Variants in CFAP44 observed in about 807,000 individuals in gnomAD.
CFAP44 encodes cilia- and flagella-associated protein 44.
Under a neutral mutation model 216.2 loss-of-function variants are expected in CFAP44, and 134 were observed. The ratio of observed to expected loss-of-function variants is 0.62; its 90% CI spans 0.54 to 0.72. CFAP44 has a LOEUF of 0.72. Ranked by LOEUF, CFAP44 falls within the 30% of genes least tolerant of loss-of-function variation. CFAP44 has a pLI of 0.00. For missense variants in CFAP44, 2,035 were observed against 2,182.1 expected (o/e 0.93, Z 1.34); for synonymous variants, 700 against 727.6 (o/e 0.96, Z 0.61).
intron 26 of CFAP44, among the ~76,000 whole-genome samples, 181 bp downstream of exon 26, chr3:113,329,987 C>T (rs1950226733): frequency 6.6e-6 from 1 of 152,054 alleles, no homozygotes; most frequent in South Asian, 2.1e-4. Context: ...GGGAAGAGCA[C>T]AGTGATTTCC....
At chr3:113,325,023 G>T (rs1950176834) in intron 28 of CFAP44, among the ~76,000 whole-genome samples, 1 of 152,048 alleles carries the variant, frequency 6.6e-6, no homozygotes, top group Admixed American at 6.6e-5. Context: ...TAAAAAAGGG[G>T]CCGGGCACAG....
chr3:113,346,536 G>T (rs991822157), intron 22 of CFAP44, among the ~76,000 whole-genome samples: 5 of 151,124 alleles, frequency 3.3e-5, no homozygotes, highest in African/African-American at 1.2e-4. Flanking sequence ...GATTTTAAGT[G>T]CACCAATCAG....
chr3:113,355,377 C>T (rs1003009458), intron 22 of CFAP44, among the ~76,000 whole-genome samples: 6 of 151,992 alleles, frequency 3.9e-5, no homozygotes, highest in Non-Finnish European at 7.4e-5. Context: ...AAAAATTCGC[C>T]GGGCATGGTG....
At position 113,395,732 on chromosome 3, in the gene CFAP44, C is replaced by G. The variant is rs1488125400; in HGVS notation, c.1890+18G>C. The G allele has an allele frequency of 6.4e-7, 1 of 1,573,112 alleles. No individual in the cohort carries two copies. Among genetic ancestry groups the G allele is most frequent in the Admixed American group, 1.8e-5 (1 of 54,520 alleles). ...AGTAATTGAGATTCAAACAGGAAGA[C>G]AAATAATAATGACTTACATGAGACA... On this transcript the variant is annotated intron_variant, in intron 15 of 34. Coordinates refer to ENST00000393845, the MANE Select transcript of CFAP44 (RefSeq NM_001164496.2).
At chr3:113,365,153 C>A (rs560659177) in intron 19 of CFAP44, among the ~76,000 whole-genome samples, 1 of 152,198 alleles carries the variant, frequency 6.6e-6, no homozygotes, top group Admixed American at 6.5e-5. Context: ...AGAGGGTTGG[C>A]ACCAGGTAGA....
rs545227272 is a variant in CFAP44 at position 113,409,408 on chromosome 3, G to T, written c.674-86C>A. On this transcript the variant is annotated intron_variant, in intron 6 of 34. Coordinates refer to ENST00000393845, the MANE Select transcript of CFAP44 (RefSeq NM_001164496.2). ...ATTGTAAAAAAAAGAGAGGGAGTCAGCCCATGGTGATGTAAGAATGCCAAG... is the reference window on the plus strand; with the variant it reads ...ATTGTAAAAAAAAGAGAGGGAGTCATCCCATGGTGATGTAAGAATGCCAAG... 4.3e-5 allele frequency: 53 copies of T among 1,226,570 alleles called. 1 individual carries two copies. In the South Asian group the frequency reaches 6.9e-4, roughly 16 times the overall value. 76.0% of individuals were successfully genotyped at this position (1,226,570 alleles called of 1,614,324 possible).
intron 9 of CFAP44, among the ~76,000 whole-genome samples, chr3:113,402,308 C>A (rs149400517): frequency 1.3e-5 from 2 of 152,320 alleles, no homozygotes; most frequent in East Asian, 3.9e-4. Context: ...TGCATACCAC[C>A]AAACATGTCT....
chr3:113,441,300 T>A (rs74410195), intron 1 of CFAP44, among the ~76,000 whole-genome samples, 153 bp downstream of exon 1: 9,417 of 152,294 alleles, frequency 0.062, 381 homozygotes, highest in African/African-American at 0.11. Flanking sequence ...AGAATACTCG[T>A]GGCTTCAAAA....
chr3:113,407,989 G>A (rs1215707362), intron 7 of CFAP44, among the ~76,000 whole-genome samples: 1 of 152,108 alleles, frequency 6.6e-6, no homozygotes, highest in Non-Finnish European at 1.5e-5. Flanking sequence ...TAAATAATCA[G>A]AAAATATAAG....
chr3:113,401,848 C>T, intron 9 of CFAP44, 109 bp from the exon 10 acceptor site: 5 of 1,207,474 alleles, frequency 4.1e-6, no homozygotes, highest in Non-Finnish European at 5.6e-6. Flanking sequence ...CTTTTTCTTT[C>T]ATGAAAAGTA....
chr3:113,363,652 T>C (rs1427903955), intron 19 of CFAP44, 120 bp from the exon 20 acceptor site: 1 of 858,568 alleles, frequency 1.2e-6, no homozygotes, highest in African/African-American at 1.7e-5. Context: ...TGCCAATTTC[T>C]AATAATTATA....
intron 15 of CFAP44, among the ~76,000 whole-genome samples, chr3:113,392,523 T>C (rs1410436121): frequency 6.6e-6 from 1 of 152,166 alleles, no homozygotes; most frequent in Non-Finnish European, 1.5e-5. Context: ...TAGTCAATAA[T>C]AACTTATTGC....
At chr3:113,310,877 G>A (rs1288884001) in intron 28 of CFAP44, among the ~76,000 whole-genome samples, 5 of 152,204 alleles carry the variant, frequency 3.3e-5, no homozygotes, top group Non-Finnish European at 7.3e-5. Context: ...GCCTGCTCCT[G>A]TTTTGGCTTC....
rs1454109541 is a variant in CFAP44, at chr3:113,396,679, C to T, written c.1618G>A (p.Val540Ile). ...GGATCATAAAGTTCAAGAATTCGAACAACTCCATCTTCAAATCCTACAATA... is the reference window on the plus strand; with the variant it reads ...GGATCATAAAGTTCAAGAATTCGAATAACTCCATCTTCAAATCCTACAATA... ...QIIVGFEDGV[V>I]RILELYDPKG... The change falls in exon 14 of 35, where the codon GTT becomes ATT. Residue 540 changes from valine (V) to isoleucine (I), a missense_variant. Around this residue, in one of 3 missense-constraint regions of CFAP44, gnomAD observed 1,883 missense variants for 2,023.7 expected, o/e 0.93. Coordinates refer to ENST00000393845, the MANE Select transcript of CFAP44 (RefSeq NM_001164496.2). 1.9e-6 allele frequency: 3 copies of T among 1,613,936 alleles called. No individual in the cohort carries two copies. Among genetic ancestry groups the T allele is most frequent in the Non-Finnish European group, 2.5e-6 (3 of 1,179,986 alleles).
At chr3:113,414,038 G>GC (rs146428408) in intron 6 of CFAP44, among the ~76,000 whole-genome samples, 3,408 of 152,230 alleles carry the variant, frequency 0.022, 117 homozygotes, top group African/African-American at 0.078. Flanking sequence ...ACTTCCTTGA[G>GC]CAGTGGTTTG....
At chr3:113,348,684 C>A (rs1478070554) in intron 22 of CFAP44, among the ~76,000 whole-genome samples, 1 of 152,100 alleles carries the variant, frequency 6.6e-6, no homozygotes, top group Non-Finnish European at 1.5e-5. Context: ...ACAAAAACTC[C>A]CAGGCTATTG....
chr3:113,335,498 C>T (rs4251), intron 24 of CFAP44, among the ~76,000 whole-genome samples: 1 of 152,184 alleles, frequency 6.6e-6, no homozygotes, highest in Non-Finnish European at 1.5e-5. Context: ...TTAATCTGTA[C>T]ATGTGTAATG....
At chr3:113,434,210 T>A (rs1357799927) in intron 1 of CFAP44, among the ~76,000 whole-genome samples, 1 of 152,142 alleles carries the variant, frequency 6.6e-6, no homozygotes. Flanking sequence ...TAATGAGTGC[T>A]ACAAAAAGGA....
intron 21 of CFAP44, among the ~76,000 whole-genome samples, chr3:113,359,156 T>C (rs111938626): frequency 0.014 from 2,123 of 152,324 alleles, 49 homozygotes; most frequent in African/African-American, 0.048. Context: ...GTATACAGTT[T>C]TAAAGACGCT....
Sources: allele counts gnomAD v4.1 joint callset (sites outside exome capture counted in the v4.1 genomes callset), GRCh38; gene constraint gnomAD v4.1.1; regional missense constraint gnomAD v4.1.1; transcripts MANE v1.5; gene names NCBI Gene and HGNC (gene_info 2026-07-23, HGNC 2026-07-21).